NHSL1: variants seen among roughly 807,000 people sequenced by gnomAD.
NHSL1 encodes the protein NHS like 1.
In NHSL1, 48 loss-of-function variants were observed where a neutral mutation model predicts 95.0. The ratio of observed to expected loss-of-function variants is 0.51; its 90% CI spans 0.40 to 0.64. The LOEUF is 0.64. Among genes scored for constraint, NHSL1 ranks in the 30% least tolerant of loss-of-function variants. The pLI, the probability that NHSL1 is intolerant of heterozygous loss-of-function variation, is 0.00. For missense variants in NHSL1, 1,971 were observed against 2,077.7 expected (o/e 0.95, Z 1.00); for synonymous variants, 783 against 833.9 (o/e 0.94, Z 1.05).
At chr6:138,467,686 T>C (rs1310984984) in intron 3 of NHSL1, among the ~76,000 whole-genome samples, 3 of 152,136 alleles carry the variant, frequency 2.0e-5, no homozygotes, top group African/African-American at 2.4e-5. Context: ...GGCTAATATG[T>C]GTGCTTGTGT....
chr6:138,437,235 T>C (rs181468160), intron 5 of NHSL1, among the ~76,000 whole-genome samples: 1,698 of 147,568 alleles, frequency 0.012, 13 homozygotes, highest in Non-Finnish European at 0.018. Context: ...GATCGCGCCA[T>C]TGCACTCCAG....
At chr6:138,608,858 A>G (rs1184617196) in intron 1 of NHSL1, among the ~76,000 whole-genome samples, 5 of 152,206 alleles carry the variant, frequency 3.3e-5, no homozygotes. Flanking sequence ...TTAGGAAGAA[A>G]TCTTAAACAC....
chr6:138,661,448 TCATAACATTCCACTC>T (rs957869325), intron 1 of NHSL1, among the ~76,000 whole-genome samples: 3 of 148,802 alleles, frequency 2.0e-5, no homozygotes, highest in African/African-American at 7.5e-5. Flanking sequence ...TGAGCTGAGA[TCATAACATTCCACTC>T]CAGCCTGGGT....
chr6:138,596,386 T>C (rs751581792), intron 1 of NHSL1, among the ~76,000 whole-genome samples: 6 of 152,122 alleles, frequency 3.9e-5, no homozygotes, highest in African/African-American at 9.7e-5. Context: ...TCCAGCGTCA[T>C]GTGGAAATTA....
rs767291662 is a variant in NHSL1, at chr6:138,432,146, C to T, written c.2199G>A (p.Leu733=). The T allele has an allele frequency of 8.3e-5, 129 of 1,548,338 alleles. No individual in the cohort carries two copies. Among genetic ancestry groups the T allele is most frequent in the Middle Eastern group, 5.0e-4 (3 of 5,986 alleles). ...SPCSDLEEPW[L]PRSRSQSTVS... ...CTGTGCTCTGGCTCCGGGAGCGGGG[C>T]AGCCAGGGCTCTTCCAAGTCACTGC... The change falls in exon 6 of 8, where the codon CTG becomes CTA. Residue 733 remains leucine, a synonymous_variant. Coordinates refer to ENST00000343505, the MANE Select transcript of NHSL1 (RefSeq NM_001144060.2). This position sits in a 1 kb window ranked among gnomAD's most constrained non-coding sequence, Gnocchi z 4.4.
chr6:138,433,177 A>C lies in NHSL1; in HGVS notation c.1168T>G (p.Phe390Val), dbSNP rs1394862406. 1.1e-5 allele frequency: 17 copies of C among 1,551,254 alleles called. No individual in the cohort carries two copies. The highest frequency in any genetic ancestry group is 1.5e-5 in the Non-Finnish European group (17 of 1,146,742). ...GGGCTCATTATATTTTCACTCTCGA[A>C]GTGTCTCAACTCCTGGGATTTGGGT... ...LRPKSQELRH[F>V]ESENIMSPAC... Residue 390 changes from phenylalanine to valine, a missense_variant, in exon 6 of 8, where the codon TTC becomes GTC. Transcript: ENST00000343505.
chr6:138,580,267 A>G (rs1396396749), intron 1 of NHSL1, among the ~76,000 whole-genome samples: 1 of 152,204 alleles, frequency 6.6e-6, no homozygotes, highest in African/African-American at 2.4e-5. Context: ...TAAAGCACAA[A>G]AGATAGGGCC....
chr6:138,606,527 A>G (rs1330030955), intron 1 of NHSL1, among the ~76,000 whole-genome samples: 4 of 152,102 alleles, frequency 2.6e-5, no homozygotes, highest in Non-Finnish European at 4.4e-5. Flanking sequence ...GTCTACAACA[A>G]GGGCCCTTAT....
At chr6:138,499,607 G>T, upstream of NHSL1, 1 of 260,502 alleles carries the variant, frequency 3.8e-6, no homozygotes, top group Non-Finnish European at 7.3e-6. Flanking sequence ...GCCACATCAG[G>T]CTTTCTGCCT....
chr6:138,657,973 A>G (rs1270025007), intron 1 of NHSL1, among the ~76,000 whole-genome samples: 3 of 151,890 alleles, frequency 2.0e-5, no homozygotes, highest in East Asian at 3.8e-4. Flanking sequence ...AGTTTACGAA[A>G]GAATAAAATA....
intron 1 of NHSL1, among the ~76,000 whole-genome samples, chr6:138,683,366 C>T (rs1228882203): frequency 6.6e-6 from 1 of 152,308 alleles, no homozygotes; most frequent in African/African-American, 2.4e-5. Context: ...CCATCTGTGG[C>T]GATACAGGGA....
Position 138,431,427 on chromosome 6 carries a change from G to C in NHSL1, c.2918C>G (p.Pro973Arg), listed in dbSNP as rs1450830029. The change falls in exon 6 of 8, where the codon CCT becomes CGT. Residue 973 changes from proline to arginine, a missense_variant. Pro to Arg is a moderately radical substitution (Grantham distance 103). Transcript: ENST00000343505. The surrounding 1 kb of genome is among the most constrained non-coding windows in gnomAD (Gnocchi z 4.0). The stretch of plus-strand genomic sequence containing the variant: ...AGGAATGAGAGCTTCTGGCGGCGGA[G>C]GGGGGAACACAGGAGAGTGAGGCAG... ...SPLPHSPVFPPPPPEALIPFC... is the reference protein window; with the variant it reads ...SPLPHSPVFPRPPPEALIPFC... 1.3e-6 allele frequency: 2 copies of C among 1,550,320 alleles called. No homozygotes were observed. The highest frequency in any genetic ancestry group is 2.7e-5 in the African/African-American group (2 of 73,080).
upstream of NHSL1, among the ~76,000 whole-genome samples, chr6:138,575,370 A>G (rs1783952905): frequency 6.6e-6 from 1 of 152,192 alleles, no homozygotes; most frequent in Non-Finnish European, 1.5e-5. Context: ...TAACAGGAGA[A>G]GCTAAAGGAA....
chr6:138,590,698 C>G (rs1284398731), intron 1 of NHSL1, among the ~76,000 whole-genome samples: 1 of 152,186 alleles, frequency 6.6e-6, no homozygotes, highest in African/African-American at 2.4e-5. Flanking sequence ...TTTACCCTCT[C>G]CATTGGGAGA....
chr6:138,484,275 G>T (rs1303448366), intron 2 of NHSL1, among the ~76,000 whole-genome samples: 1 of 152,108 alleles, frequency 6.6e-6, no homozygotes, highest in Admixed American at 6.6e-5. Context: ...AGTGTAGGCG[G>T]GGAGTAAGAT....
At chr6:138,480,216 G>A (rs566414614) in intron 2 of NHSL1, among the ~76,000 whole-genome samples, 40 of 152,160 alleles carry the variant, frequency 2.6e-4, no homozygotes, top group Admixed American at 9.2e-4. Flanking sequence ...CCTGCAAATC[G>A]TAGACCCAGA....
chr6:138,503,375 T>C (rs1780789026), upstream of NHSL1, among the ~76,000 whole-genome samples: 1 of 152,190 alleles, frequency 6.6e-6, no homozygotes, highest in Admixed American at 6.5e-5. Context: ...ATGGTTTTGT[T>C]AGTATAGAGC....
At chr6:138,459,665 T>C (rs1777865378) in intron 3 of NHSL1, among the ~76,000 whole-genome samples, 1 of 152,184 alleles carries the variant, frequency 6.6e-6, no homozygotes, top group African/African-American at 2.4e-5. Flanking sequence ...TTCTCTTATA[T>C]CTCATTCTAG....
At chr6:138,542,241 A>G (rs1782610477) in intron 1 of NHSL1, among the ~76,000 whole-genome samples, 1 of 152,218 alleles carries the variant, frequency 6.6e-6, no homozygotes, top group Non-Finnish European at 1.5e-5. Flanking sequence ...GCCATCAGGA[A>G]GTGGAAGAGG....
Sources: gnomAD v4.1 joint callset for allele counts (sites outside exome capture counted in the v4.1 genomes callset) on GRCh38, gnomAD v4.1.1 for gene constraint, Gnocchi (gnomAD v3.1) non-coding constraint, MANE v1.5 for transcripts, NCBI Gene and HGNC (gene_info 2026-07-23, HGNC 2026-07-21) for gene names.